Variants in ASTN2 observed in about 807,000 individuals in gnomAD.
ASTN2 encodes astrotactin 2.
Under a neutral mutation model 139.8 loss-of-function variants are expected in ASTN2, and 54 were observed. The ratio of observed to expected loss-of-function variants is 0.39; its 90% confidence interval spans 0.31 to 0.48. The LOEUF (loss-of-function observed/expected upper bound fraction) is 0.48, where lower values mean the gene tolerates loss of function less well. Among genes scored for constraint, ASTN2 ranks in the 20% least tolerant of loss-of-function variants. The probability of loss-of-function intolerance (pLI) is 0.95; values close to 1 mark genes in which losing one functional copy is unlikely to be tolerated. For missense variants in ASTN2, 1,565 were observed against 1,725.1 expected, an observed-to-expected ratio of 0.91 and a Z score of 1.64; for synonymous variants, 756 against 719.5, an observed-to-expected ratio of 1.05 and a Z score of -0.81.
chr9:116,847,073 G>A (rs1011847445), intron 11 of ASTN2, among the ~76,000 whole-genome samples: 3 of 151,036 alleles, frequency 2.0e-5, no homozygotes, highest in African/African-American at 7.3e-5. Context: ...ATTCTAATGG[G>A]GGGAGAAAAG....
At chr9:117,097,266 A>T (rs1045997644) in intron 4 of ASTN2, among the ~76,000 whole-genome samples, 20 of 151,896 alleles carry the variant, frequency 1.3e-4, no homozygotes, top group African/African-American at 4.6e-4. Flanking sequence ...TATGCTGTGA[A>T]CAGCTGATTG....
intron 3 of ASTN2, among the ~76,000 whole-genome samples, chr9:117,207,903 T>C (rs938459415): frequency 2.0e-5 from 3 of 152,166 alleles, no homozygotes; most frequent in African/African-American, 7.2e-5. Context: ...TAATGTAAAA[T>C]TGTAGCCAAT....
At chr9:117,265,672 A>G (rs1309896552) in intron 2 of ASTN2, among the ~76,000 whole-genome samples, 1 of 152,228 alleles carries the variant, frequency 6.6e-6, no homozygotes, top group Non-Finnish European at 1.5e-5. Context: ...AAATAATTAC[A>G]GCTACTAGCT....
intron 4 of ASTN2, among the ~76,000 whole-genome samples, chr9:117,130,455 C>T (rs1356504952): frequency 1.3e-5 from 2 of 152,066 alleles, no homozygotes; most frequent in African/African-American, 4.8e-5. Context: ...ACTTGTATCC[C>T]ACCCCACCTG....
chr9:116,958,680 C>G (rs1002225463), intron 10 of ASTN2, among the ~76,000 whole-genome samples: 1 of 152,048 alleles, frequency 6.6e-6, no homozygotes, highest in East Asian at 1.9e-4. Context: ...AGGAATAGCC[C>G]TAGTCACTGG....
rs1415459108 is a variant in ASTN2, at chr9:116,424,909, C to A, written c.*942G>T. Among the ~76,000 whole-genome samples the A allele has an allele frequency of 6.6e-6, 1 of 152,038 alleles. No individual in the cohort carries two copies. ...TGGCAAGCAAATCCCATCTTTTTCA[C>A]CTCTCTGTCTGGCTTATTTCTACTC... On this transcript the variant is annotated 3_prime_UTR_variant, in exon 23 of 23. Coordinates refer to ENST00000313400, the MANE Select transcript of ASTN2 (RefSeq NM_001365068.1).
At chr9:117,311,997 T>C (rs1028005293) in intron 1 of ASTN2, among the ~76,000 whole-genome samples, 4 of 152,112 alleles carry the variant, frequency 2.6e-5, no homozygotes, top group African/African-American at 9.6e-5. Context: ...GAACCCCAGC[T>C]CCAAAAGTAA....
At chr9:116,546,046 C>T (rs1053974289) in intron 19 of ASTN2, 3 of 152,196 alleles carry the variant, frequency 2.0e-5, no homozygotes, top group Non-Finnish European at 2.9e-5. Context: ...GCTTCCCTGA[C>T]TGCAGTTATA....
At chr9:117,343,179 C>T (rs1829113771) in intron 1 of ASTN2, among the ~76,000 whole-genome samples, 1 of 152,206 alleles carries the variant, frequency 6.6e-6, no homozygotes, top group Admixed American at 6.5e-5. Flanking sequence ...TTTCCAGCTT[C>T]TGCTAGCTTT....
At chr9:117,139,323 C>T (rs550020459) in intron 4 of ASTN2, among the ~76,000 whole-genome samples, 16 of 152,310 alleles carry the variant, frequency 1.1e-4, no homozygotes, top group African/African-American at 3.8e-4. Context: ...TAGGGCTTGG[C>T]ATCCTCATTT....
chr9:117,026,260 A>T (rs116727014), intron 6 of ASTN2, among the ~76,000 whole-genome samples: 114 of 152,258 alleles, frequency 7.5e-4, no homozygotes, highest in African/African-American at 2.6e-3. Context: ...ACAACCATTT[A>T]GTTCTCACAA....
chr9:117,244,137 C>T (rs1833295931), intron 2 of ASTN2, among the ~76,000 whole-genome samples: 1 of 152,178 alleles, frequency 6.6e-6, no homozygotes, highest in Admixed American at 6.5e-5. Flanking sequence ...TAAGACGTGC[C>T]TCTTCCACTT....
intron 16 of ASTN2, among the ~76,000 whole-genome samples, chr9:116,682,769 C>T (rs1437627692): frequency 6.6e-6 from 1 of 151,988 alleles, no homozygotes. Context: ...AGTAAACTAT[C>T]GTAAGAACAA....
At chr9:116,564,761 G>A (rs1336232120) in intron 19 of ASTN2, among the ~76,000 whole-genome samples, 1 of 151,506 alleles carries the variant, frequency 6.6e-6, no homozygotes, top group African/African-American at 2.4e-5. Context: ...GTCATATATA[G>A]ATCTAGTTAT....
intron 19 of ASTN2, among the ~76,000 whole-genome samples, chr9:116,509,408 T>C (rs992903992): frequency 2.6e-5 from 4 of 152,218 alleles, no homozygotes; most frequent in African/African-American, 7.2e-5. Flanking sequence ...CAGTCTATCA[T>C]TGATGGACAT....
intron 19 of ASTN2, among the ~76,000 whole-genome samples, chr9:116,555,873 C>T (rs112575623): frequency 1.6e-3 from 239 of 152,230 alleles, no homozygotes; most frequent in African/African-American, 5.3e-3. Context: ...GGATAATTAG[C>T]GTCTTGGGTT....
Position 116,552,317 on chromosome 9 carries a change from G to A in ASTN2, c.3356-64817C>T, listed in dbSNP as rs909737634. The stretch of plus-strand genomic sequence containing the variant: ...TGCTCATTTTATTTATTTTCTTTGA[G>A]AAAATTGGTGTCAGAGTTAAGGGGG... On this transcript the variant is annotated intron_variant, in intron 19 of 22. Transcript: ENST00000313400. The A allele has an allele frequency of 2.0e-5, 3 of 152,160 alleles. No individual in the cohort carries two copies. The South Asian group carries it at 6.2e-4, about 32-fold the overall frequency. The allele number at this position is 152,160 out of a possible 1,614,324, so 9.4% of individuals were successfully genotyped here.
At chr9:117,241,824 C>A (rs1466454407) in intron 2 of ASTN2, among the ~76,000 whole-genome samples, 1 of 151,746 alleles carries the variant, frequency 6.6e-6, no homozygotes, top group Non-Finnish European at 1.5e-5. Flanking sequence ...GGGACTGTGG[C>A]AAATTAGAGA....
intron 1 of ASTN2, among the ~76,000 whole-genome samples, chr9:117,317,269 C>G (rs1828172744): frequency 1.3e-5 from 2 of 152,116 alleles, no homozygotes; most frequent in South Asian, 2.1e-4. Context: ...CTCAGGAAGC[C>G]TCCCAATGCC....
Sources: allele counts gnomAD v4.1 joint callset (sites outside exome capture counted in the v4.1 genomes callset), GRCh38; gene constraint gnomAD v4.1.1; transcripts MANE v1.5; gene names NCBI Gene and HGNC (gene_info 2026-07-23, HGNC 2026-07-21).